Variants in TBC1D32 observed in about 807,000 individuals in gnomAD.
TBC1D32 encodes the protein protein broad-minded.
In TBC1D32, 151 loss-of-function variants were observed where a neutral mutation model predicts 170.3. The observed-to-expected ratio is 0.89, with a 90% CI of 0.78 to 1.01. The LOEUF is 1.01. Among genes scored for constraint, TBC1D32 ranks in the 50% least tolerant of loss-of-function variants. The pLI is 0.00. For missense variants in TBC1D32, 1,464 were observed against 1,457.1 expected, an observed-to-expected ratio of 1.00 and a Z score of -0.08; for synonymous variants, 498 against 488.0, an observed-to-expected ratio of 1.02 and a Z score of -0.27.
intron 21 of TBC1D32, among the ~76,000 whole-genome samples, chr6:121,217,873 T>G (rs2128321494): frequency 6.6e-6 from 1 of 152,268 alleles, no homozygotes; most frequent in South Asian, 2.1e-4. Context: ...AGGTGGTAAT[T>G]TGTTGCCTAT....
intron 2 of TBC1D32, among the ~76,000 whole-genome samples, chr6:121,320,428 T>A (rs17083420): frequency 1.3e-5 from 2 of 152,198 alleles, no homozygotes; most frequent in East Asian, 1.9e-4. Context: ...CAGTACCATA[T>A]AAAATTCTGC....
chr6:121,115,514 C>A (rs1050366494), intron 26 of TBC1D32: 3 of 249,406 alleles, frequency 1.2e-5, no homozygotes, highest in Non-Finnish European at 2.3e-5. Flanking sequence ...ACTTGGCTCT[C>A]AGAATAAAAA....
chr6:121,154,675 C>G (rs1251630220), intron 24 of TBC1D32, among the ~76,000 whole-genome samples: 4 of 152,104 alleles, frequency 2.6e-5, no homozygotes, highest in Non-Finnish European at 2.9e-5. Context: ...GCCATTGTAA[C>G]AAAAACAAAA....
intron 21 of TBC1D32, among the ~76,000 whole-genome samples, chr6:121,211,994 AACACACACAC>A (rs66924686): frequency 4.0e-4 from 59 of 148,630 alleles, no homozygotes; most frequent in Non-Finnish European, 6.1e-4. Flanking sequence ...GAACAAACAC[AACACACACAC>A]ACACACACAC....
intron 20 of TBC1D32, chr6:121,224,429 A>G (rs1794846461): frequency 6.6e-6 from 1 of 152,148 alleles, no homozygotes; most frequent in Admixed American, 6.5e-5. Context: ...AACTTGGAGA[A>G]CCAGACATAC....
Position 121,112,956 on chromosome 6 carries a change from G to A in TBC1D32, c.3169+106C>T, listed in dbSNP as rs552694260. On this transcript the variant is annotated intron_variant, in intron 28 of 31. Transcript: ENST00000398212. ...TATATCATAACAAATCACTAATATA[G>A]CTTAAAGTACTACTTTACTATAAAT... 8.7e-6 allele frequency: 7 copies of A among 801,174 alleles called. No individual in the cohort carries two copies. The East Asian group carries it at 1.8e-4, about 21-fold the overall frequency. 49.6% of individuals were successfully genotyped at this position (801,174 alleles called of 1,614,324 possible).
At chr6:121,116,237 C>T (rs553663563) in intron 26 of TBC1D32, among the ~76,000 whole-genome samples, 7 of 151,144 alleles carry the variant, frequency 4.6e-5, no homozygotes, top group Admixed American at 1.3e-4. Flanking sequence ...TATTTCACTT[C>T]CAGGCTCATT....
chr6:121,241,332 C>T (rs1796957662), intron 19 of TBC1D32, 133 bp downstream of exon 19: 5 of 708,472 alleles, frequency 7.1e-6, no homozygotes, highest in South Asian at 2.0e-5. Context: ...CTTTCTTTTA[C>T]ATAAGGTCTA....
intron 22 of TBC1D32, among the ~76,000 whole-genome samples, chr6:121,187,735 GAAGGCT>G (rs1789383284): frequency 8.0e-6 from 1 of 125,554 alleles, no homozygotes; most frequent in Non-Finnish European, 1.6e-5. Flanking sequence ...GAAATCCCAT[GAAGGCT>G]GATGCTCAGG....
chr6:121,188,028 G>C (rs529782359), intron 22 of TBC1D32, among the ~76,000 whole-genome samples: 74 of 152,182 alleles, frequency 4.9e-4, no homozygotes, highest in African/African-American at 1.7e-3. Flanking sequence ...GGTCTATCTG[G>C]ATTCAAATAC....
At chr6:121,094,003 A>T (rs535593868) in intron 30 of TBC1D32, among the ~76,000 whole-genome samples, 18 of 152,116 alleles carry the variant, frequency 1.2e-4, no homozygotes, top group African/African-American at 4.3e-4. Flanking sequence ...TAAAGGGGAG[A>T]CATCCTTTTT....
intron 20 of TBC1D32, among the ~76,000 whole-genome samples, chr6:121,230,850 C>A (rs1230536237): frequency 6.6e-6 from 1 of 151,778 alleles, no homozygotes; most frequent in Non-Finnish European, 1.5e-5. Flanking sequence ...TGAACAAGTT[C>A]TCTTAGTAGT....
chr6:121,225,530 G>T (rs1156329493), intron 20 of TBC1D32, among the ~76,000 whole-genome samples: 1 of 151,918 alleles, frequency 6.6e-6, no homozygotes, highest in Non-Finnish European at 1.5e-5. Flanking sequence ...GAGCATTTTT[G>T]TATTATTTAT....
intron 21 of TBC1D32, among the ~76,000 whole-genome samples, chr6:121,222,237 G>A (rs1005372518): frequency 1.3e-5 from 2 of 152,136 alleles, no homozygotes; most frequent in South Asian, 4.1e-4. Flanking sequence ...AAAGTATAGT[G>A]TAAACATAAC....
At chr6:121,267,144 C>A (rs4257888) in intron 15 of TBC1D32, among the ~76,000 whole-genome samples, 1 of 146,538 alleles carries the variant, frequency 6.8e-6, no homozygotes, top group African/African-American at 2.6e-5. Context: ...AAAAAAAGGT[C>A]GGGGGGAGGT....
intron 12 of TBC1D32, among the ~76,000 whole-genome samples, chr6:121,289,325 A>T (rs1465691450): frequency 6.6e-6 from 1 of 152,182 alleles, no homozygotes; most frequent in South Asian, 2.1e-4. Flanking sequence ...TACAAAATCA[A>T]TGTACAAAAA....
At chr6:121,303,803 T>G (rs1359966483) in intron 8 of TBC1D32, 42 bp from the exon 9 acceptor site, 1 of 1,337,228 alleles carries the variant, frequency 7.5e-7, no homozygotes, top group Non-Finnish European at 1.0e-6. Flanking sequence ...CACATATAGT[T>G]CTGGTGGTAT....
intron 19 of TBC1D32, among the ~76,000 whole-genome samples, chr6:121,241,046 G>C (rs1737268603): frequency 6.6e-6 from 1 of 152,106 alleles, no homozygotes; most frequent in Non-Finnish European, 1.5e-5. Context: ...AGGGAATTAG[G>C]AAATGTTATG....
chr6:121,225,932 A>G (rs538527023), intron 20 of TBC1D32, among the ~76,000 whole-genome samples: 228 of 152,296 alleles, frequency 1.5e-3, no homozygotes, highest in Non-Finnish European at 2.3e-3. Context: ...AATTTAAAGT[A>G]GCACAAAACA....
Sources: gnomAD v4.1 joint callset for allele counts (sites outside exome capture counted in the v4.1 genomes callset) on GRCh38, gnomAD v4.1.1 for gene constraint, MANE v1.5 for transcripts, NCBI Gene and HGNC (gene_info 2026-07-23, HGNC 2026-07-21) for gene names.